Variants in KRT79 observed in about 807,000 individuals in gnomAD.
The protein encoded by KRT79 is keratin, type II cytoskeletal 79.
In KRT79, 51 loss-of-function variants were observed where a neutral mutation model predicts 49.0. That is an observed-to-expected ratio of 1.04 (90% CI 0.83 to 1.31). KRT79 has a LOEUF of 1.31. KRT79 is among the 40% of genes most tolerant of loss of function. The pLI is 0.00. For synonymous variants in KRT79, 312 were observed against 286.6 expected (o/e 1.09, Z -0.90); for missense variants, 728 against 688.0 (o/e 1.06, Z -0.65).
At chr12:52,822,232 C>T (rs900017486) in intron 8 of KRT79, 113 bp downstream of exon 8, 1 of 1,321,948 alleles carries the variant, frequency 7.6e-7, no homozygotes, top group African/African-American at 1.5e-5. Context: ...AACCTGTCTC[C>T]AGGGGCTCGA....
chr12:52,834,181 G>A lies in KRT79; in HGVS notation c.80C>T (p.Ser27Phe), dbSNP rs777682412. 2.5e-6 allele frequency: 4 copies of A among 1,613,832 alleles called. No individual in the cohort carries two copies. ...SSNSASGGSGSQARTSFSSVT... is the reference protein window; with the variant it reads ...SSNSASGGSGFQARTSFSSVT... ...TGAGCTGAAGCTGGTGCGGGCCTGG[G>A]ACCCACTCCCTCCGCTGGCAGAGTT... The change falls in exon 1 of 9, where the codon TCC becomes TTC. Residue 27 changes from serine to phenylalanine, a missense_variant. Transcript: ENST00000330553.
Position 52,826,932 on chromosome 12 carries a change from G to A in KRT79, c.856-2570C>T, listed in dbSNP as rs1430287776. Among the ~76,000 whole-genome samples the A allele has an allele frequency of 2.6e-5, 4 of 152,170 alleles. No individual in the cohort carries two copies. The East Asian group carries it at 5.8e-4, about 22-fold the overall frequency. ...GTGCTGATCCTTGTTCTCACCCCAC[G>A]GAGGCACTGCTGGGCCGTGAGGACC... On this transcript the variant is annotated intron_variant, in intron 4 of 8. Transcript: ENST00000330553.
At chr12:52,833,686 A>T in intron 1 of KRT79, 98 bp downstream of exon 1, 1 of 941,932 alleles carries the variant, frequency 1.1e-6, no homozygotes, top group Non-Finnish European at 1.7e-6. Flanking sequence ...CCACCACCCT[A>T]GTACAAGTGG....
chr12:52,832,905 T>C (rs1471260118), intron 1 of KRT79, among the ~76,000 whole-genome samples: 1 of 152,194 alleles, frequency 6.6e-6, no homozygotes, highest in Non-Finnish European at 1.5e-5. Context: ...TGAGTCTTCA[T>C]AGAAGCACTG....
chr12:52,827,006 C>T (rs1433311589), intron 4 of KRT79, among the ~76,000 whole-genome samples: 1 of 152,212 alleles, frequency 6.6e-6, no homozygotes, highest in Non-Finnish European at 1.5e-5. Context: ...TTTCCCTTGC[C>T]TCCTGCTCAC....
At position 52,833,919 on chromosome 12, in the gene KRT79, G is replaced by T. The variant is rs767131022; in HGVS notation, c.342C>A (p.Ile114=). 3 of 1,613,654 alleles carry T rather than the reference G, an allele frequency of 1.9e-6. No individual in the cohort carries two copies. The highest frequency in any genetic ancestry group is 3.3e-5 in the Admixed American group (2 of 59,984). ...GGCTCTGGTTGACAGTGACCTCCTG[G>T]ATCCCCCCAGGAGGACAAGCAGGCC... is the stretch of plus-strand genomic sequence containing the variant. ...TFGPACPPGG[I]QEVTVNQSLL... The change falls in exon 1 of 9, where the codon ATC becomes ATA. Residue 114 remains isoleucine (I), a synonymous_variant. Coordinates refer to ENST00000330553, the MANE Select transcript of KRT79 (RefSeq NM_175834.3).
intron 4 of KRT79, among the ~76,000 whole-genome samples, chr12:52,826,512 CAAAAAAAA>C (rs34000434): frequency 8.6e-4 from 88 of 102,492 alleles, no homozygotes; most frequent in African/African-American, 3.2e-3. Context: ...GACCCTGTCT[CAAAAAAAA>C]AAAAAAAAAA....
At chr12:52,832,644 T>G (rs1341560419) in intron 1 of KRT79, among the ~76,000 whole-genome samples, 1 of 152,158 alleles carries the variant, frequency 6.6e-6, no homozygotes, top group East Asian at 1.9e-4. Flanking sequence ...TGCTTCATAT[T>G]CTGTCATCCA....
At chr12:52,822,825 T>A (rs940232298) in intron 7 of KRT79, among the ~76,000 whole-genome samples, 191 bp downstream of exon 7, 5 of 152,140 alleles carry the variant, frequency 3.3e-5, no homozygotes, top group Non-Finnish European at 7.4e-5. Context: ...CAGTAAAGAT[T>A]AACAAGAGTT....
At chr12:52,831,309 G>T in intron 2 of KRT79, 97 bp downstream of exon 2, 1 of 1,139,648 alleles carries the variant, frequency 8.8e-7, no homozygotes, top group Non-Finnish European at 1.3e-6. Flanking sequence ...CATCCCCCAG[G>T]TGGGCCTGGG....
chr12:52,831,466 CG>C lies in KRT79; in HGVS notation c.637del (p.Arg213GlyfsTer60), dbSNP rs1940253890. 6.2e-7 allele frequency: 1 copy of C among 1,614,120 alleles called. No individual in the cohort carries two copies. Among genetic ancestry groups the C allele is most frequent in the African/African-American group, 1.3e-5 (1 of 74,938 alleles). On this transcript the variant is annotated frameshift_variant, in exon 2 of 9. Coordinates refer to ENST00000330553, the MANE Select transcript of KRT79 (RefSeq NM_175834.3). LOFTEE classifies it high-confidence loss of function. ...CCTGAGCTCTGAGTCCAGCCTCCCC[CG>C]CTCGCTCTGAAGTCTGTCCAGCGTG... ...RSTLDRLQSE[R>X]GRLDSELRNV...
At chr12:52,829,761 C>T (rs913002103) in intron 4 of KRT79, among the ~76,000 whole-genome samples, 1 of 152,116 alleles carries the variant, frequency 6.6e-6, no homozygotes, top group Non-Finnish European at 1.5e-5. Flanking sequence ...ATTAGCTGGG[C>T]ATGGTGGCAG....
At position 52,822,334 on chromosome 12, in the gene KRT79, T is replaced by G. The variant is rs769374468; in HGVS notation, c.1402+11A>C. 1 of 1,605,480 alleles carries G rather than the reference T, an allele frequency of 6.2e-7. No individual in the cohort carries two copies. The highest frequency in any genetic ancestry group is 8.5e-7 in the Non-Finnish European group (1 of 1,176,118). ...CAGGGGTGGAGCAGGAAGTGGGGAG[T>G]AAATACTCACAAATGCTGACTGCAC... On this transcript the variant is annotated intron_variant, in intron 8 of 8. Coordinates refer to ENST00000330553, the MANE Select transcript of KRT79 (RefSeq NM_175834.3).
chr12:52,827,296 C>T (rs903730920), intron 4 of KRT79, among the ~76,000 whole-genome samples: 4 of 152,246 alleles, frequency 2.6e-5, no homozygotes, highest in Non-Finnish European at 5.9e-5. Context: ...TAACCTGGCC[C>T]CACAAGAGCT....
In KRT79 at chr12:52,830,107, T is replaced by C; in HGVS notation, c.771A>G (p.Ala257=). 1 of 1,614,154 alleles carries C rather than the reference T, an allele frequency of 6.2e-7. No individual in the cohort carries two copies. Residue 257 remains alanine (A), a synonymous_variant, in exon 4 of 9, where the codon GCA becomes GCG. Coordinates refer to ENST00000330553, the MANE Select transcript of KRT79 (RefSeq NM_175834.3). ...GCAGATCCATCCGGCCCATGTATGC[T>C]GCATCCACATCCTGGGGACGAGAGA... is the stretch of plus-strand genomic sequence containing the variant. ...EFVVLKKDVD[A]AYMGRMDLHG... is the part of the protein sequence containing the mutation.
In KRT79 at chr12:52,823,103, C is replaced by G; in HGVS notation, c.1280G>C (p.Arg427Pro). 6.2e-7 allele frequency: 1 copy of G among 1,614,194 alleles called. No homozygotes were observed. Reference sequence around the variant, plus strand: ...GACATTCATCAGCTCCTGGTAGTCACGCAGCAGCCGTGTCAGGTCCTCCTT... The same window carrying G: ...GACATTCATCAGCTCCTGGTAGTCAGGCAGCAGCCGTGTCAGGTCCTCCTT... ...QAKEDLTRLLRDYQELMNVKL... is the reference protein window; with the variant it reads ...QAKEDLTRLLPDYQELMNVKL... Residue 427 changes from arginine to proline, a missense_variant, in exon 7 of 9, where the codon CGT (arginine) becomes CCT (proline). Transcript: ENST00000330553.
intron 5 of KRT79, 89 bp from the exon 6 acceptor site, chr12:52,824,101 C>G (rs372432653): frequency 1.4e-5 from 23 of 1,610,152 alleles, no homozygotes; most frequent in Non-Finnish European, 2.0e-5. Context: ...GTATATCTGG[C>G]CCCCCGGACT....
chr12:52,825,817 G>T (rs565092158), intron 4 of KRT79, among the ~76,000 whole-genome samples: 1 of 152,282 alleles, frequency 6.6e-6, no homozygotes, highest in African/African-American at 2.4e-5. Context: ...TGGCTGTGTA[G>T]CTGATGTAGC....
At position 52,830,273 on chromosome 12, in the gene KRT79, T is replaced by C; in HGVS notation, c.718A>G (p.Lys240Glu). Residue 240 changes from lysine to glutamate, a missense_variant, in exon 3 of 9, where the codon AAG (lysine) becomes GAG (glutamate). Transcript: ENST00000330553. The part of the protein sequence containing the change: ...FKNKYEDEIN[K>E]HTAAENEFVV... ...AACTCGTTCTCTGCAGCAGTGTGCT[T>C]GTTGATTTCATCCTCGTACCTGTTA... The C allele has an allele frequency of 1.2e-6, 2 of 1,614,214 alleles. No homozygotes were observed. Among genetic ancestry groups the C allele is most frequent in the African/African-American group, 2.7e-5 (2 of 75,060 alleles).
Sources: allele counts gnomAD v4.1 joint callset (sites outside exome capture counted in the v4.1 genomes callset), GRCh38; gene constraint gnomAD v4.1.1; transcripts MANE v1.5; gene names NCBI Gene and HGNC (gene_info 2026-07-23, HGNC 2026-07-21).